The following ADAM9 variants were observed in gnomAD, a reference collection of about 807,000 sequenced individuals.
ADAM9 encodes disintegrin and metalloproteinase domain-containing protein 9.
In ADAM9, 54 loss-of-function variants were observed where a neutral mutation model predicts 108.1. That is an observed-to-expected ratio of 0.50 (90% CI 0.40 to 0.63). The LOEUF (loss-of-function observed/expected upper bound fraction) is 0.63, where lower values mean the gene tolerates loss of function less well. ADAM9 is among the 20% of genes least tolerant of loss of function. The pLI is 0.00. For missense variants in ADAM9, 830 were observed against 997.7 expected, an observed-to-expected ratio of 0.83 and a Z score of 2.26; for synonymous variants, 316 against 336.0, an observed-to-expected ratio of 0.94 and a Z score of 0.65.
intron 12 of ADAM9, among the ~76,000 whole-genome samples, chr8:39,053,963 T>C (rs916466782): frequency 1.3e-5 from 2 of 152,034 alleles, no homozygotes; most frequent in African/African-American, 4.8e-5. Context: ...AAGGAAGTAA[T>C]TAAGGTTAAA....
intron 14 of ADAM9, among the ~76,000 whole-genome samples, chr8:39,069,103 G>T (rs1239136128): frequency 6.6e-6 from 1 of 152,104 alleles, no homozygotes; most frequent in Non-Finnish European, 1.5e-5. Context: ...TGTAAAAAGG[G>T]TTGATCTCAG....
At chr8:39,056,856 C>T (rs796157286) in intron 14 of ADAM9, among the ~76,000 whole-genome samples, 22 of 152,182 alleles carry the variant, frequency 1.4e-4, no homozygotes, top group African/African-American at 5.3e-4. Context: ...TGACTGGTTT[C>T]CCTCTGTATA....
chr8:39,003,215 T>A (rs1429972305), intron 1 of ADAM9, among the ~76,000 whole-genome samples: 1 of 150,876 alleles, frequency 6.6e-6, no homozygotes, highest in Non-Finnish European at 1.5e-5. Context: ...TAGCTTTTAT[T>A]TTACTTCATT....
rs35682054 is a variant in ADAM9, at chr8:39,029,131, GT to G, written c.1130+2336del. Among the ~76,000 whole-genome samples the G allele has an allele frequency of 2.8e-3, 397 of 142,524 alleles. 1 individual carries two copies. The highest frequency in any genetic ancestry group is 0.02 in the South Asian group (91 of 4,494). The allele number at this position is 142,524 out of a possible 152,430, so 93.5% of individuals were successfully genotyped here. ...GAAGAGCCAAAAAAGTGTTGTTGTTGTTTTTTTTTTTTTTTGGTTGACTTGA... is the reference window on the plus strand; with the variant it reads ...GAAGAGCCAAAAAAGTGTTGTTGTTGTTTTTTTTTTTTTTGGTTGACTTGA... On this transcript the variant is annotated intron_variant, in intron 11 of 21. Transcript: ENST00000487273.
In ADAM9 at chr8:39,017,501, T is replaced by C. The variant is rs1836575895; in HGVS notation, c.606+87T>C. ...TTCATGAAATCAATACTATGAGTAGTGTTTTTTTTTCTTTTCTTAATTTTG... is the reference window on the plus strand; with the variant it reads ...TTCATGAAATCAATACTATGAGTAGCGTTTTTTTTTCTTTTCTTAATTTTG... On this transcript the variant is annotated intron_variant, in intron 6 of 21. Transcript: ENST00000487273. 2.8e-6 allele frequency: 4 copies of C among 1,408,218 alleles called. No individual in the cohort carries two copies. The African/African-American group carries it at 4.3e-5, about 15-fold the overall frequency. 87.2% of individuals were successfully genotyped at this position (1,408,218 alleles called of 1,614,324 possible).
chr8:39,080,687 T>C (rs1838993120), intron 16 of ADAM9, among the ~76,000 whole-genome samples: 1 of 152,210 alleles, frequency 6.6e-6, no homozygotes, highest in South Asian at 2.1e-4. Flanking sequence ...GTATTCTTTA[T>C]ATATTTATTC....
At chr8:39,062,665 A>G (rs1370845390) in intron 14 of ADAM9, among the ~76,000 whole-genome samples, 1 of 152,228 alleles carries the variant, frequency 6.6e-6, no homozygotes, top group African/African-American at 2.4e-5. Context: ...CCTATCACCT[A>G]GAATCTGATA....
rs1837475184 is a variant in ADAM9, at chr8:39,042,179, G to A, written c.1302+62G>A. On this transcript the variant is annotated intron_variant, in intron 12 of 21. Coordinates refer to ENST00000487273, the MANE Select transcript of ADAM9 (RefSeq NM_003816.3). The stretch of plus-strand genomic sequence containing the variant: ...CCATGATATTTGCAAGAAATAAAAT[G>A]GCTTGCTTTGGGCAACTCTGACATA... 4 of 1,585,174 alleles carry A rather than the reference G, an allele frequency of 2.5e-6. No individual in the cohort carries two copies. The South Asian group carries it at 4.4e-5, about 18-fold the overall frequency.
At chr8:39,045,037 CATAT>C (rs1837595779) in intron 12 of ADAM9, among the ~76,000 whole-genome samples, 1 of 83,850 alleles carries the variant, frequency 1.2e-5, no homozygotes, top group Non-Finnish European at 2.3e-5. Context: ...TGCATACATA[CATAT>C]GTATGTGTAT....
chr8:39,091,175 T>G, intron 19 of ADAM9, 84 bp from the exon 20 acceptor site: 4 of 1,305,928 alleles, frequency 3.1e-6, no homozygotes, highest in Non-Finnish European at 4.4e-6. Context: ...TTATTCTGTA[T>G]TTGGGAAAAT....
intron 12 of ADAM9, among the ~76,000 whole-genome samples, chr8:39,045,239 T>C (rs1375438479): frequency 7.5e-5 from 11 of 146,638 alleles, no homozygotes; most frequent in East Asian, 4.1e-4. Flanking sequence ...TATATATGTG[T>C]ATACATACAT....
chr8:39,082,592 A>G, intron 16 of ADAM9, 49 bp from the exon 17 acceptor site: 1 of 1,482,128 alleles, frequency 6.7e-7, no homozygotes, highest in Non-Finnish European at 9.4e-7. Context: ...GTACTTTTTA[A>G]TGACTGTGCT....
intron 11 of ADAM9, among the ~76,000 whole-genome samples, chr8:39,029,065 A>G (rs543965276): frequency 6.6e-6 from 1 of 152,302 alleles, no homozygotes; most frequent in South Asian, 2.1e-4. Flanking sequence ...ATATGAAGAT[A>G]ACATGATTTC....
In ADAM9 at chr8:39,090,146, T is replaced by C. The variant is rs1178523538; in HGVS notation, c.2168T>C (p.Leu723Pro). 1 of 1,613,976 alleles carries C rather than the reference T, an allele frequency of 6.2e-7. No homozygotes were observed. The highest frequency in any genetic ancestry group is 1.1e-5 in the South Asian group (1 of 91,072). Residue 723 changes from leucine (L) to proline (P), a missense_variant, in exon 19 of 22, where the codon CTG becomes CCG. Around this residue, in one of 3 missense-constraint regions of ADAM9, gnomAD observed 238 missense variants for 235.7 expected, o/e 1.01. Transcript: ENST00000487273. ...TTTATCTTCATCAAGAGGGATCAAC[T>C]GTGGAGAAGCTACTTCAGAAAGAAG... ...AIFIFIKRDQ[L>P]WRSYFRKKRS...
intron 1 of ADAM9, among the ~76,000 whole-genome samples, chr8:39,000,292 C>T (rs1393048338): frequency 6.6e-6 from 1 of 152,124 alleles, no homozygotes; most frequent in Non-Finnish European, 1.5e-5. Flanking sequence ...GCGCCCCAGC[C>T]TCTCTCACAG....
In ADAM9 at chr8:39,018,894, G is replaced by GT. The variant is rs1564247328; in HGVS notation, c.650dup (p.Ile218HisfsTer9). On this transcript the variant is annotated frameshift_variant, in exon 7 of 22. Transcript: ENST00000487273. LOFTEE classifies it high-confidence loss of function. ...TGCCACAGACCCGGTATGTGGAGCTGTTCATTGTCGTAGACAAGGAAAGGG... is the reference window on the plus strand; with the variant it reads ...TGCCACAGACCCGGTATGTGGAGCTGTTTCATTGTCGTAGACAAGGAAAGGG... 6.2e-7 allele frequency: 1 copy of GT among 1,613,940 alleles called. No individual in the cohort carries two copies. Among genetic ancestry groups the GT allele is most frequent in the Non-Finnish European group, 8.5e-7 (1 of 1,179,924 alleles).
rs373033544 is a variant in ADAM9 at position 38,997,090 on chromosome 8, G to T, written c.27G>T (p.Ser9=). The T allele has an allele frequency of 6.2e-6, 10 of 1,607,454 alleles. No homozygotes were observed. The East Asian group carries it at 2.0e-4, about 32-fold the overall frequency. The change falls in exon 1 of 22, where the codon TCG becomes TCT. Residue 9 remains serine, a synonymous_variant. Transcript: ENST00000487273. MGSGARFP[S]GTLRVRWLLL... ...TGGGGTCTGGCGCGCGCTTTCCCTCGGGGACCCTTCGTGTCCGGTGGTTGC... is the reference window on the plus strand; with the variant it reads ...TGGGGTCTGGCGCGCGCTTTCCCTCTGGGACCCTTCGTGTCCGGTGGTTGC...
At chr8:39,014,866 T>C (rs1004947866) in intron 4 of ADAM9, 1 of 301,912 alleles carries the variant, frequency 3.3e-6, no homozygotes, top group South Asian at 6.0e-5. Flanking sequence ...AAGGAAATGC[T>C]GACTTAGGCC....
chr8:39,018,684 A>G lies in ADAM9; in HGVS notation c.607-169A>G, dbSNP rs1836629395. 4 of 660,994 alleles carry G rather than the reference A, an allele frequency of 6.1e-6. No homozygotes were observed. In the Admixed American group the frequency reaches 7.4e-5, roughly 12 times the overall value. The allele number at this position is 660,994 out of a possible 1,614,324, so 40.9% of individuals were successfully genotyped here. A position where few individuals can be genotyped will look rare whatever the true frequency, so the allele number is the denominator to read the frequency against. On this transcript the variant is annotated intron_variant, in intron 6 of 21. Coordinates refer to ENST00000487273, the MANE Select transcript of ADAM9 (RefSeq NM_003816.3). ...CTGGACAAAGTTTTCATCACTAAGAAGCAGATAACACTTCAAAAAACATAT... is the reference window on the plus strand; with the variant it reads ...CTGGACAAAGTTTTCATCACTAAGAGGCAGATAACACTTCAAAAAACATAT...
Sources: allele counts gnomAD v4.1 joint callset (sites outside exome capture counted in the v4.1 genomes callset), GRCh38; gene constraint gnomAD v4.1.1; regional missense constraint gnomAD v4.1.1; transcripts MANE v1.5; gene names NCBI Gene and HGNC (gene_info 2026-07-23, HGNC 2026-07-21).